EPHA3: variants seen among roughly 807,000 people sequenced by gnomAD.
The protein encoded by EPHA3 is ephrin type-A receptor 3.
Under a neutral mutation model 107.1 loss-of-function variants are expected in EPHA3, and 42 were observed. The observed-to-expected ratio is 0.39, with a 90% CI of 0.31 to 0.51. The LOEUF (loss-of-function observed/expected upper bound fraction) is 0.51. EPHA3 is among the 20% of genes least tolerant of loss of function. EPHA3 has a pLI of 0.78. For missense variants in EPHA3, 1,183 were observed against 1,211.2 expected (o/e 0.98, Z 0.35); for synonymous variants, 461 against 424.8 (o/e 1.09, Z -1.05).
At chr3:89,310,998 T>C (rs1001365095) in intron 3 of EPHA3, among the ~76,000 whole-genome samples, 1 of 152,008 alleles carries the variant, frequency 6.6e-6, no homozygotes, top group African/African-American at 2.4e-5. Flanking sequence ...ACCTTTCTGC[T>C]ATTTGGTTTT....
chr3:89,249,050 G>A (rs1576263608), intron 3 of EPHA3, among the ~76,000 whole-genome samples: 1 of 152,096 alleles, frequency 6.6e-6, no homozygotes, highest in South Asian at 2.1e-4. Context: ...GTTATATTTG[G>A]GTCCAGAGGG....
chr3:89,225,065 T>C (rs1704471821), intron 3 of EPHA3, among the ~76,000 whole-genome samples: 1 of 152,102 alleles, frequency 6.6e-6, no homozygotes. Context: ...GAAAGTTATT[T>C]GGAAATTATC....
intron 11 of EPHA3, among the ~76,000 whole-genome samples, chr3:89,421,836 A>G (rs1313867737): frequency 3.3e-5 from 5 of 151,326 alleles, no homozygotes; most frequent in Non-Finnish European, 7.4e-5. Context: ...ACAATCTCTA[A>G]GACAAAAAAT....
chr3:89,472,599 A>G lies in EPHA3; in HGVS notation c.2826A>G (p.Thr942=). The G allele has an allele frequency of 6.2e-7, 1 of 1,611,834 alleles. No homozygotes were observed. The highest frequency in any genetic ancestry group is 8.5e-7 in the Non-Finnish European group (1 of 1,178,982). Residue 942 remains threonine (T), a synonymous_variant, in exon 16 of 17, where the codon ACA becomes ACG. Transcript: ENST00000336596. ...GTGTGGAGTACAGTTCTTGTGACAC[A>G]ATAGCCAAGATTTCCACAGAGTAAG... ...FTGVEYSSCD[T]IAKISTDDMK...
chr3:89,373,080 A>G (rs865998169), intron 5 of EPHA3, among the ~76,000 whole-genome samples: 1 of 151,880 alleles, frequency 6.6e-6, no homozygotes, highest in South Asian at 2.1e-4. Context: ...ATTTAATTAA[A>G]AGTCTCTGGC....
chr3:89,112,554 T>A (rs539806942), intron 1 of EPHA3, among the ~76,000 whole-genome samples: 10 of 152,136 alleles, frequency 6.6e-5, no homozygotes, highest in African/African-American at 2.4e-4. Context: ...ATGCAATTTT[T>A]AAATATCAAA....
intron 16 of EPHA3, among the ~76,000 whole-genome samples, chr3:89,476,597 A>ATTTATTTATTTTTTTT (rs751793433): frequency 3.4e-5 from 4 of 118,442 alleles, no homozygotes; most frequent in African/African-American, 1.1e-4. Flanking sequence ...TTATTTATTT[A>ATTTATTTATTTTTTTT]TTTATTTATT....
At chr3:89,351,476 C>G (rs1424541563) in intron 5 of EPHA3, among the ~76,000 whole-genome samples, 2 of 150,218 alleles carry the variant, frequency 1.3e-5, no homozygotes, top group African/African-American at 4.9e-5. Context: ...TGCTTCGGCT[C>G]GCGCACGGTG....
intron 3 of EPHA3, among the ~76,000 whole-genome samples, chr3:89,299,953 T>C (rs1706444159): frequency 6.6e-6 from 1 of 152,052 alleles, no homozygotes; most frequent in African/African-American, 2.4e-5. Context: ...GTCGATTATA[T>C]TAATTTTTCA....
At chr3:89,219,706 TTTTG>T (rs1559606391) in intron 3 of EPHA3, among the ~76,000 whole-genome samples, 2,616 of 21,458 alleles carry the variant, frequency 0.12, 671 homozygotes, top group Non-Finnish European at 0.14. Flanking sequence ...TTTTTTTGTT[TTTTG>T]TTTTTTTTTT....
intron 13 of EPHA3, among the ~76,000 whole-genome samples, chr3:89,443,895 A>G (rs1216541238): frequency 1.3e-5 from 2 of 152,164 alleles, no homozygotes; most frequent in Non-Finnish European, 2.9e-5. Context: ...TCAGATAAGA[A>G]CTTTACCCAG....
intron 16 of EPHA3, 55 bp downstream of exon 16, chr3:89,472,674 CTTGACATGAA>C: frequency 6.4e-7 from 1 of 1,552,310 alleles, no homozygotes; most frequent in Non-Finnish European, 8.8e-7. Context: ...ACTTTCTTGG[CTTGACATGAA>C]AGATTTGTAA....
intron 3 of EPHA3, among the ~76,000 whole-genome samples, chr3:89,272,134 G>A (rs1705684753): frequency 6.6e-6 from 1 of 151,724 alleles, no homozygotes; most frequent in African/African-American, 2.4e-5. Flanking sequence ...AAGGCTTTTG[G>A]TCAACAGTAG....
At chr3:89,233,332 A>G (rs1277844387) in intron 3 of EPHA3, among the ~76,000 whole-genome samples, 5 of 152,144 alleles carry the variant, frequency 3.3e-5, no homozygotes, top group Non-Finnish European at 4.4e-5. Context: ...TGCTTCCCCC[A>G]AGACCTACAT....
intron 5 of EPHA3, among the ~76,000 whole-genome samples, chr3:89,390,425 C>T (rs1195881834): frequency 6.6e-6 from 1 of 151,874 alleles, no homozygotes; most frequent in African/African-American, 2.4e-5. Context: ...ATGATGAAAC[C>T]CCATCTCTAC....
At chr3:89,163,736 G>A (rs772159909) in intron 2 of EPHA3, among the ~76,000 whole-genome samples, 4 of 152,126 alleles carry the variant, frequency 2.6e-5, no homozygotes, top group Admixed American at 6.5e-5. Context: ...TAGCTGGGTG[G>A]CAGGTATAAA....
intron 1 of EPHA3, among the ~76,000 whole-genome samples, chr3:89,112,522 A>AT (rs1014952244): frequency 2.0e-5 from 3 of 152,082 alleles, no homozygotes; most frequent in Non-Finnish European, 4.4e-5. Context: ...AGAAATTTAA[A>AT]TTTTTTTCGG....
intron 2 of EPHA3, among the ~76,000 whole-genome samples, chr3:89,192,348 G>T (rs1372665994): frequency 6.6e-6 from 1 of 152,042 alleles, no homozygotes; most frequent in Non-Finnish European, 1.5e-5. Context: ...CTGAGCCTTC[G>T]TAGATCCAGA....
At chr3:89,269,394 G>A (rs1705611013) in intron 3 of EPHA3, among the ~76,000 whole-genome samples, 1 of 151,972 alleles carries the variant, frequency 6.6e-6, no homozygotes, top group African/African-American at 2.4e-5. Flanking sequence ...ACCCCAGACT[G>A]AGTTAAAAGC....
Sources: gnomAD v4.1 joint callset for allele counts (sites outside exome capture counted in the v4.1 genomes callset) on GRCh38, gnomAD v4.1.1 for gene constraint, MANE v1.5 for transcripts, NCBI Gene and HGNC (gene_info 2026-07-23, HGNC 2026-07-21) for gene names.